KMT2B: variants seen among roughly 807,000 people sequenced by gnomAD.
The protein encoded by KMT2B is lysine methyltransferase 2B.
In KMT2B, 22 loss-of-function variants were observed where a neutral mutation model predicts 255.3. The ratio of observed to expected loss-of-function variants is 0.09; its 90% CI spans 0.06 to 0.12. The LOEUF (loss-of-function observed/expected upper bound fraction) is 0.12, where lower values mean the gene tolerates loss of function less well. KMT2B is among the 10% of genes least tolerant of loss of function. The probability of loss-of-function intolerance (pLI) is 1.00; values close to 1 mark genes in which losing one functional copy is unlikely to be tolerated. For missense variants in KMT2B, 3,149 were observed against 3,737.0 expected, an observed-to-expected ratio of 0.84 and a Z score of 4.10; for synonymous variants, 1,730 against 1,498.1, an observed-to-expected ratio of 1.15 and a Z score of -3.57.
In KMT2B at chr19:35,733,783, C is replaced by T. The variant is rs1410049538; in HGVS notation, c.7070C>T (p.Pro2357Leu). 1.9e-6 allele frequency: 3 copies of T among 1,613,678 alleles called. No individual in the cohort carries two copies. The highest frequency in any genetic ancestry group is 2.2e-5 in the East Asian group (1 of 44,854). The change falls in exon 30 of 37, where the codon CCT becomes CTT. Residue 2357 changes from proline (P) to leucine (L), a missense_variant. Transcript: ENST00000420124. The surrounding 1 kb of genome is among the most constrained non-coding windows in gnomAD (Gnocchi z 4.3). Reference protein sequence around the residue: ...ESPGPLQERSPLLPLPEDGPP... With the variant: ...ESPGPLQERSLLLPLPEDGPP... Reference sequence around the variant, plus strand: ...CGCAGGCCCCTCCAGGAACGGTCCCCTTTGCTGCCACTTCCGGAAGATGGT... The same window carrying T: ...CGCAGGCCCCTCCAGGAACGGTCCCTTTTGCTGCCACTTCCGGAAGATGGT...
rs1424001544 is a variant in KMT2B, at chr19:35,725,571, C to T, written c.3735C>T (p.Cys1245=). 1.9e-6 allele frequency: 3 copies of T among 1,610,210 alleles called. No individual in the cohort carries two copies. Among genetic ancestry groups the T allele is most frequent in the South Asian group, 2.2e-5 (2 of 91,092 alleles). Residue 1245 remains cysteine (C), a synonymous_variant, in exon 12 of 37, where the codon TGC becomes TGT. Coordinates refer to ENST00000420124, the MANE Select transcript of KMT2B (RefSeq NM_014727.3). The surrounding 1 kb of genome is among the most constrained non-coding windows in gnomAD (Gnocchi z 4.1). ...TGCCCCAGCATCACGACACCTGGTG[C>T]TGCCGTCGCTGCAAATTCTGCCACG... ...RPLPQHHDTW[C]CRRCKFCHVC...
At chr19:35,730,222 C>G in intron 23 of KMT2B, 97 bp downstream of exon 23, 1 of 1,597,356 alleles carries the variant, frequency 6.3e-7, no homozygotes, top group Non-Finnish European at 8.6e-7. Context: ...TACTGCCTCT[C>G]AGTGTCTCCT....
chr19:35,719,657 A>G, intron 2 of KMT2B, 116 bp downstream of exon 2: 3 of 1,516,100 alleles, frequency 2.0e-6, no homozygotes, highest in Non-Finnish European at 1.8e-6. Context: ...TTCTGTGTTC[A>G]GAGTCCAAGC....
rs1218900525 is a variant in KMT2B, at chr19:35,720,666, C to T, written c.1319C>T (p.Pro440Leu). 23 of 1,478,312 alleles carry T rather than the reference C, an allele frequency of 1.6e-5. No homozygotes were observed. Among genetic ancestry groups the T allele is most frequent in the Non-Finnish European group, 2.1e-5 (23 of 1,116,026 alleles). 91.6% of individuals were successfully genotyped at this position (1,478,312 alleles called of 1,614,324 possible). ...CCACCACCCCCAGTGTCCCCACCAC[C>T]TCTACCATCCCCTCCACCGCCTCCT... is the stretch of plus-strand genomic sequence containing the variant. ...PPPPPPVSPP[P>L]LPSPPPPPAQ... The change falls in exon 3 of 37, where the codon CCT becomes CTT. Residue 440 changes from proline (P) to leucine (L), a missense_variant. Coordinates refer to ENST00000420124, the MANE Select transcript of KMT2B (RefSeq NM_014727.3).
chr19:35,720,624 C>A lies in KMT2B; in HGVS notation c.1277C>A (p.Pro426His). 6.8e-7 allele frequency: 1 copy of A among 1,477,592 alleles called. No individual in the cohort carries two copies. The highest frequency in any genetic ancestry group is 9.0e-7 in the Non-Finnish European group (1 of 1,111,522). The allele number at this position is 1,477,592 out of a possible 1,614,324, so 91.5% of individuals were successfully genotyped here. Reference sequence around the variant, plus strand: ...CCACCCCCTTCGACATCTCCTCCACCCCCACTCTGCCCTCCACCACCACCC... The same window carrying A: ...CCACCCCCTTCGACATCTCCTCCACACCCACTCTGCCCTCCACCACCACCC... ...PLPPPSTSPP[P>H]PLCPPPPPPV... The change falls in exon 3 of 37, where the codon CCC becomes CAC. Residue 426 changes from proline (P) to histidine (H), a missense_variant. Physicochemically the swap from Pro to His is moderately conservative, Grantham distance 77. Transcript: ENST00000420124.
Position 35,737,081 on chromosome 19 carries a change from C to T in KMT2B, c.7373-5C>T, listed in dbSNP as rs746336390. 10 of 1,610,392 alleles carry T rather than the reference C, an allele frequency of 6.2e-6. No homozygotes were observed. Among genetic ancestry groups the T allele is most frequent in the Non-Finnish European group, 8.5e-6 (10 of 1,177,788 alleles). On this transcript the variant is annotated splice_region_variant and splice_polypyrimidine_tract_variant and intron_variant, in intron 32 of 36. Transcript: ENST00000420124. This position sits in a 1 kb window ranked among gnomAD's most constrained non-coding sequence, Gnocchi z 5.3. ...GACAGGTGTGTCCTCAACATCTCCC[C>T]TCAGGAATGAGTGGGGCGAGACTCC...
In KMT2B at chr19:35,737,994, TG is replaced by T; in HGVS notation, c.7742+55del. 1.9e-6 allele frequency: 3 copies of T among 1,610,908 alleles called. No individual in the cohort carries two copies. The highest frequency in any genetic ancestry group is 2.5e-6 in the Non-Finnish European group (3 of 1,178,372). On this transcript the variant is annotated intron_variant, in intron 35 of 36. Transcript: ENST00000420124. This position sits in a 1 kb window ranked among gnomAD's most constrained non-coding sequence, Gnocchi z 5.3. ...CCCTTGGGTGGACGGACAGGTGCACTGGGTAGGGGGTACTGTCTGGTTTCTG... is the reference window on the plus strand; with the variant it reads ...CCCTTGGGTGGACGGACAGGTGCACTGGTAGGGGGTACTGTCTGGTTTCTG...
chr19:35,720,255 T>A lies in KMT2B; in HGVS notation c.908T>A (p.Phe303Tyr). The change falls in exon 3 of 37, where the codon TTT becomes TAT. Residue 303 changes from phenylalanine to tyrosine, a missense_variant. By Grantham distance (22) the Phe-to-Tyr change is conservative. Transcript: ENST00000420124. ...RGRGRGGGLP[F>Y]VIKFVSRAKK... is the part of the protein sequence containing the mutation. The stretch of plus-strand genomic sequence containing the variant: ...CGCGGCCGAGGTGGTGGGCTCCCCT[T>A]TGTGATCAAGTTTGTTTCAAGGGCC... 1 of 1,612,830 alleles carries A rather than the reference T, an allele frequency of 6.2e-7. No homozygotes were observed. The highest frequency in any genetic ancestry group is 8.5e-7 in the Non-Finnish European group (1 of 1,179,602).
In KMT2B at chr19:35,738,652, T is replaced by C. The variant is rs1049675402; in HGVS notation, c.*95T>C. 5 of 1,362,750 alleles carry C rather than the reference T, an allele frequency of 3.7e-6. No homozygotes were observed. Among genetic ancestry groups the C allele is most frequent in the Non-Finnish European group, 5.0e-6 (5 of 1,004,300 alleles). 84.4% of individuals were successfully genotyped at this position (1,362,750 alleles called of 1,614,324 possible). ...GGGCTCCCTAGCCCCTCCCAGAGCA[T>C]CTCACCCCCACCCTCATGTTCAGGG... On this transcript the variant is annotated 3_prime_UTR_variant, in exon 37 of 37. Coordinates refer to ENST00000420124, the MANE Select transcript of KMT2B (RefSeq NM_014727.3). The surrounding 1 kb of genome is among the most constrained non-coding windows in gnomAD (Gnocchi z 8.7).
chr19:35,734,883 G>A (rs1174163457), intron 30 of KMT2B, among the ~76,000 whole-genome samples: 1 of 152,222 alleles, frequency 6.6e-6, no homozygotes, highest in Non-Finnish European at 1.5e-5. Context: ...GGGAAGCAGA[G>A]TGACGTGGAT....
chr19:35,734,254 G>C (rs1486792816), intron 30 of KMT2B, among the ~76,000 whole-genome samples: 1 of 152,086 alleles, frequency 6.6e-6, no homozygotes, highest in African/African-American at 2.4e-5. Flanking sequence ...ACAGTGGGAA[G>C]ATCAGAAGAG....
Position 35,737,221 on chromosome 19 carries a change from C to A in KMT2B, c.7508C>A (p.Pro2503His). ...HQQGEGQEEPPLNPHGAARAE... is the reference protein window; with the variant it reads ...HQQGEGQEEPHLNPHGAARAE... ...CAGGGAGAGGGCCAGGAGGAGCCGC[C>A]CCTGAATCCCCATGGGGCTGCTCGG... Residue 2503 changes from proline to histidine, a missense_variant, in exon 33 of 37, where the codon CCC (proline) becomes CAC (histidine). By Grantham distance (77) the Pro-to-His change is moderately conservative (BLOSUM62 -2). Transcript: ENST00000420124. This position sits in a 1 kb window ranked among gnomAD's most constrained non-coding sequence, Gnocchi z 5.3. 6.3e-7 allele frequency: 1 copy of A among 1,576,860 alleles called. No individual in the cohort carries two copies. Among genetic ancestry groups the A allele is most frequent in the Admixed American group, 1.9e-5 (1 of 53,980 alleles).
rs1969510697 is a variant in KMT2B at position 35,727,573 on chromosome 19, A to G, written c.4253A>G (p.Gln1418Arg). 5.6e-6 allele frequency: 9 copies of G among 1,606,454 alleles called. No homozygotes were observed. Among genetic ancestry groups the G allele is most frequent in the South Asian group, 2.2e-5 (2 of 90,908 alleles). ...ALQGGLRQVL[Q>R]GLLSSKVVGP... ...CAGGGGGGCCTGCGCCAGGTGCTCC[A>G]GGGCCTGCTGAGCTCCAAGGTGGTG... The change falls in exon 16 of 37, where the codon CAG becomes CGG. Residue 1418 changes from glutamine (Q) to arginine (R), a missense_variant. Gln to Arg is a conservative substitution (Grantham distance 43). Transcript: ENST00000420124. This position sits in a 1 kb window ranked among gnomAD's most constrained non-coding sequence, Gnocchi z 4.2.
intron 22 of KMT2B, 48 bp downstream of exon 22, chr19:35,729,344 A>T: frequency 1.3e-6 from 2 of 1,553,358 alleles, no homozygotes; most frequent in Non-Finnish European, 1.7e-6. Flanking sequence ...GCTCTTGGGG[A>T]GGCCTCCTCC....
chr19:35,722,161 C>T (rs561813582), intron 3 of KMT2B, among the ~76,000 whole-genome samples, 198 bp from the exon 4 acceptor site: 23 of 152,064 alleles, frequency 1.5e-4, no homozygotes, highest in Non-Finnish European at 2.4e-4. Flanking sequence ...CCCATCACCA[C>T]GCCTGGCTAA....
In KMT2B at chr19:35,719,923, A is replaced by G. The variant is rs2146433792; in HGVS notation, c.576A>G (p.Ala192=). 6.2e-7 allele frequency: 1 copy of G among 1,613,248 alleles called. No individual in the cohort carries two copies. The change falls in exon 3 of 37, where the codon GCA becomes GCG. Residue 192 remains alanine, a synonymous_variant. Transcript: ENST00000420124. The part of the protein sequence containing the change: ...GEEGTERMVQ[A]LTELLRRAQA... ...AAGGCACAGAACGGATGGTGCAGGC[A>G]CTGACTGAACTTCTCCGGCGGGCCC...
rs748165254 is a variant in KMT2B at position 35,738,285 on chromosome 19, A to T, written c.7876A>T (p.Ile2626Phe). 1 of 1,613,670 alleles carries T rather than the reference A, an allele frequency of 6.2e-7. No individual in the cohort carries two copies. Among genetic ancestry groups the T allele is most frequent in the South Asian group, 1.1e-5 (1 of 91,066 alleles). The change falls in exon 37 of 37, where the codon ATC (isoleucine) becomes TTC (phenylalanine). Residue 2626 changes from isoleucine to phenylalanine, a missense_variant. By Grantham distance (21) the Ile-to-Phe change is conservative (BLOSUM62 0). Around this residue, in one of 18 missense-constraint regions of KMT2B, gnomAD observed 56 missense variants for 238.8 expected, o/e 0.23. Coordinates refer to ENST00000420124, the MANE Select transcript of KMT2B (RefSeq NM_014727.3). This position sits in a 1 kb window ranked among gnomAD's most constrained non-coding sequence, Gnocchi z 8.7. ...KREKFYDGKGIGCYMFRMDDF... is the reference protein window; with the variant it reads ...KREKFYDGKGFGCYMFRMDDF... ...TCTCCCCACCTCATCCCTGCAGGGC[A>T]TCGGGTGCTATATGTTCCGCATGGA...
chr19:35,733,478 C>T lies in KMT2B; in HGVS notation c.6929C>T (p.Thr2310Ile), dbSNP rs1391361820. The T allele has an allele frequency of 2.6e-6, 4 of 1,564,742 alleles. No individual in the cohort carries two copies. The highest frequency in any genetic ancestry group is 1.2e-5 in the South Asian group (1 of 84,940). The change falls in exon 28 of 37, where the codon ACC becomes ATC. Residue 2310 changes from threonine to isoleucine, a missense_variant. By Grantham distance (89) the Thr-to-Ile change is moderately conservative. Transcript: ENST00000420124. The surrounding 1 kb of genome is among the most constrained non-coding windows in gnomAD (Gnocchi z 4.3). ...LDEDGEASED[T>I]PQVPGLGSGG... Reference sequence around the variant, plus strand: ...GAAGATGGAGAGGCCTCAGAGGATACCCCTCAGGTTCCAGGGCTTGGCAGT... The same window carrying T: ...GAAGATGGAGAGGCCTCAGAGGATATCCCTCAGGTTCCAGGGCTTGGCAGT...
Position 35,728,736 on chromosome 19 carries a change from T to C in KMT2B, c.4572-38T>C, listed in dbSNP as rs761774276. ...GGATGGGCCCCCGTTCAGCTGCCCT[T>C]GTTGGGCACATCAGCTGCTAACCCT... is the stretch of plus-strand genomic sequence containing the variant. On this transcript the variant is annotated intron_variant, in intron 19 of 36. Coordinates refer to ENST00000420124, the MANE Select transcript of KMT2B (RefSeq NM_014727.3). 28 of 1,545,364 alleles carry C rather than the reference T, an allele frequency of 1.8e-5. No individual in the cohort carries two copies. In the South Asian group the frequency reaches 2.8e-4, roughly 15 times the overall value.
Sources: allele counts gnomAD v4.1 joint callset (sites outside exome capture counted in the v4.1 genomes callset), GRCh38; gene constraint gnomAD v4.1.1; regional missense constraint gnomAD v4.1.1; non-coding constraint Gnocchi (gnomAD v3.1); transcripts MANE v1.5; gene names NCBI Gene and HGNC (gene_info 2026-07-23, HGNC 2026-07-21).